The following SCN2A variants were observed in gnomAD, a reference collection of about 807,000 sequenced individuals.
SCN2A encodes the protein sodium channel protein type 2 subunit alpha.
Under a neutral mutation model 188.7 loss-of-function variants are expected in SCN2A, and 20 were observed. The ratio of observed to expected loss-of-function variants is 0.11; its 90% CI spans 0.07 to 0.15. The LOEUF (loss-of-function observed/expected upper bound fraction) is 0.15, where lower values mean the gene tolerates loss of function less well. SCN2A is among the 10% of genes least tolerant of loss of function. The probability of loss-of-function intolerance (pLI) is 1.00; values close to 1 mark genes in which losing one functional copy is unlikely to be tolerated. For missense variants in SCN2A, 1,278 were observed against 2,445.0 expected, an observed-to-expected ratio of 0.52 and a Z score of 10.07; for synonymous variants, 804 against 833.1, an observed-to-expected ratio of 0.97 and a Z score of 0.60.
intron 17 of SCN2A, among the ~76,000 whole-genome samples, chr2:165,362,681 C>T (rs1559389392): frequency 6.6e-6 from 1 of 151,846 alleles, no homozygotes; most frequent in South Asian, 2.1e-4. Flanking sequence ...TCATATTATC[C>T]ATATTGGTGT....
intron 1 of SCN2A, among the ~76,000 whole-genome samples, chr2:165,240,770 GT>G (rs1190431257): frequency 6.7e-6 from 1 of 149,682 alleles, no homozygotes. Context: ...TAAAGAGGTA[GT>G]TTTGCCATGT....
intron 2 of SCN2A, chr2:165,296,372 A>G: frequency 4.5e-6 from 2 of 444,566 alleles, no homozygotes; most frequent in South Asian, 4.5e-5. Context: ...TACAAATTAT[A>G]TGCTTAAACC....
At chr2:165,243,453 T>C (rs533993999) in intron 1 of SCN2A, among the ~76,000 whole-genome samples, 12 of 152,024 alleles carry the variant, frequency 7.9e-5, no homozygotes, top group African/African-American at 2.9e-4. Flanking sequence ...AAATAAAAAA[T>C]TAGCTGGGTG....
chr2:165,384,871 C>A (rs747275105), intron 25 of SCN2A, among the ~76,000 whole-genome samples: 1 of 152,008 alleles, frequency 6.6e-6, no homozygotes, highest in South Asian at 2.1e-4. Context: ...TACAGTAGAA[C>A]CTGCCTAAGC....
chr2:165,362,075 A>C (rs897600848), intron 17 of SCN2A, among the ~76,000 whole-genome samples: 5 of 152,044 alleles, frequency 3.3e-5, no homozygotes, highest in Non-Finnish European at 5.9e-5. Context: ...TCATTCATTT[A>C]CCCAAAATTT....
intron 4 of SCN2A, among the ~76,000 whole-genome samples, chr2:165,308,431 G>A (rs1285566529): frequency 1.3e-5 from 2 of 151,850 alleles, no homozygotes; most frequent in Non-Finnish European, 2.9e-5. Context: ...CACATTATTT[G>A]GATCCTTTAA....
At chr2:165,285,626 C>G in intron 1 of SCN2A, 1 of 249,658 alleles carries the variant, frequency 4.0e-6, no homozygotes, top group East Asian at 1.0e-4. Context: ...CTGTGGCTGC[C>G]GGACAAGGTC....
intron 1 of SCN2A, among the ~76,000 whole-genome samples, chr2:165,252,965 G>T (rs1329574851): frequency 6.6e-6 from 1 of 152,012 alleles, no homozygotes; most frequent in Non-Finnish European, 1.5e-5. Context: ...TGTTCCCATT[G>T]GTCAGTGGGG....
chr2:165,315,566 G>A lies in SCN2A; in HGVS notation c.1479G>A (p.Leu493=), dbSNP rs182457234. The change falls in exon 11 of 27, where the codon TTG becomes TTA. Residue 493 remains leucine (L), a synonymous_variant. Transcript: ENST00000375437. ...AGAGTTCTTCAGTAGCATCTAAGTT[G>A]AGCTCCAAAAGTGAAAAAGAGCTGA... ...FSESSSVASK[L]SSKSEKELKN... 2.2e-5 allele frequency: 36 copies of A among 1,613,946 alleles called. No individual in the cohort carries two copies. In the East Asian group the frequency reaches 7.6e-4, roughly 34 times the overall value.
At chr2:165,351,094 C>G (rs1699886514) in intron 16 of SCN2A, among the ~76,000 whole-genome samples, 1 of 152,150 alleles carries the variant, frequency 6.6e-6, no homozygotes, top group Non-Finnish European at 1.5e-5. Context: ...GATGAGGAAA[C>G]TGAGGCTCAG....
chr2:165,240,695 G>GTGTGTGTGTGTGT (rs1693579275), intron 1 of SCN2A, among the ~76,000 whole-genome samples: 3 of 136,076 alleles, frequency 2.2e-5, no homozygotes, highest in Admixed American at 7.0e-5. Context: ...GTGTGTGTGT[G>GTGTGTGTGTGTGT]ATGGTGGAGG....
In SCN2A at chr2:165,318,067, A is replaced by G. The variant is rs144337489; in HGVS notation, c.1671+2309A>G. On this transcript the variant is annotated intron_variant, in intron 11 of 26. Coordinates refer to ENST00000375437, the MANE Select transcript of SCN2A (RefSeq NM_001040142.2). ...AGAAGTACTTAATCTTGGTATAGCA[A>G]TGGAGGGCCCATCGTGTCTGTTAGA... Among the ~76,000 whole-genome samples, 1,253 of 152,286 alleles carry G rather than the reference A, an allele frequency of 8.2e-3. 24 individuals are homozygous for G. The highest frequency in any genetic ancestry group is 0.028 in the African/African-American group (1,159 of 41,556).
chr2:165,334,780 G>T (rs1279013243), intron 14 of SCN2A, among the ~76,000 whole-genome samples: 1 of 151,212 alleles, frequency 6.6e-6, no homozygotes, highest in Non-Finnish European at 1.5e-5. Flanking sequence ...AATAAGACAA[G>T]AAAAAGAAAT....
intron 1 of SCN2A, among the ~76,000 whole-genome samples, chr2:165,294,634 T>C (rs1696401847): frequency 6.6e-6 from 1 of 152,154 alleles, no homozygotes; most frequent in Non-Finnish European, 1.5e-5. Context: ...AATAGATTGA[T>C]TTTTTGAAAA....
At chr2:165,286,876 C>T (rs563209125) in intron 1 of SCN2A, among the ~76,000 whole-genome samples, 81 of 152,194 alleles carry the variant, frequency 5.3e-4, no homozygotes, top group African/African-American at 1.8e-3. Context: ...CATCTAACAA[C>T]GCTTTTGGGG....
chr2:165,297,161 A>G (rs368583400), intron 3 of SCN2A, 26 bp downstream of exon 3: 3 of 1,336,506 alleles, frequency 2.2e-6, no homozygotes, highest in Non-Finnish European at 3.2e-6. Flanking sequence ...TCGTCACTTA[A>G]TATGATTTTC....
At chr2:165,303,270 G>GTTTTTTTTTTTTATTTTTTTT (rs1696921005) in intron 3 of SCN2A, among the ~76,000 whole-genome samples, 1 of 91,330 alleles carries the variant, frequency 1.1e-5, no homozygotes, top group Non-Finnish European at 2.1e-5. Context: ...TGTTATTTGA[G>GTTTTTTTTTTTTATTTTTTTT]TTTTTTTTTT....
intron 11 of SCN2A, among the ~76,000 whole-genome samples, chr2:165,321,685 A>G (rs141093932): frequency 2.6e-5 from 4 of 152,252 alleles, no homozygotes; most frequent in African/African-American, 7.2e-5. Flanking sequence ...ATTAGATCTC[A>G]TGAGACTTAT....
chr2:165,273,274 T>C (rs1695183016), intron 1 of SCN2A: 1 of 152,174 alleles, frequency 6.6e-6, no homozygotes, highest in African/African-American at 2.4e-5. Flanking sequence ...AAGAGTTGAA[T>C]AAGCACTCAA....
Sources: gnomAD v4.1 joint callset for allele counts (sites outside exome capture counted in the v4.1 genomes callset) on GRCh38, gnomAD v4.1.1 for gene constraint, MANE v1.5 for transcripts, NCBI Gene and HGNC (gene_info 2026-07-23, HGNC 2026-07-21) for gene names.